The following PTPRN2 variants were observed in gnomAD, a reference collection of about 807,000 sequenced individuals.
PTPRN2 encodes the protein receptor-type tyrosine-protein phosphatase N2.
Under a neutral mutation model 118.8 loss-of-function variants are expected in PTPRN2, and 74 were observed. The observed-to-expected ratio is 0.62, with a 90% CI of 0.52 to 0.76. The LOEUF is 0.76. Ranked by LOEUF, PTPRN2 falls within the 30% of genes least tolerant of loss-of-function variation. The pLI, the probability that PTPRN2 is intolerant of heterozygous loss-of-function variation, is 0.00. For synonymous variants in PTPRN2, 641 were observed against 608.0 expected (o/e 1.05, Z -0.80); for missense variants, 1,481 against 1,394.4 (o/e 1.06, Z -0.99).
intron 11 of PTPRN2, among the ~76,000 whole-genome samples, chr7:158,026,729 C>A (rs142187372): frequency 6.6e-6 from 1 of 152,304 alleles, no homozygotes; most frequent in Non-Finnish European, 1.5e-5. Context: ...GCCCTCACCC[C>A]ACAAAGCACT....
At chr7:158,275,841 C>T (rs192937903) in intron 3 of PTPRN2, among the ~76,000 whole-genome samples, 25 of 152,296 alleles carry the variant, frequency 1.6e-4, no homozygotes, top group Admixed American at 1.4e-3. Context: ...GTGGCCTCCT[C>T]CCTCCATCAG....
chr7:157,549,146 C>T, intron 21 of PTPRN2, 127 bp from the exon 22 acceptor site: 1 of 905,492 alleles, frequency 1.1e-6, no homozygotes, highest in Non-Finnish European at 1.8e-6. Flanking sequence ...GCTCATCCCT[C>T]AGCCGGCTGG....
intron 11 of PTPRN2, among the ~76,000 whole-genome samples, chr7:158,070,357 G>T (rs528564331): frequency 9.4e-4 from 136 of 145,170 alleles, no homozygotes; most frequent in Admixed American, 1.8e-3. Flanking sequence ...TGGTGGAGGT[G>T]CCCCTGGTGG....
intron 3 of PTPRN2, among the ~76,000 whole-genome samples, chr7:158,268,884 C>T (rs1172504974): frequency 6.7e-6 from 1 of 148,606 alleles, no homozygotes; most frequent in Non-Finnish European, 1.5e-5. Flanking sequence ...AATATCCCAG[C>T]CGCACGCACA....
intron 12 of PTPRN2, among the ~76,000 whole-genome samples, chr7:157,748,700 C>G (rs1267329788): frequency 2.4e-5 from 3 of 123,392 alleles, no homozygotes; most frequent in East Asian, 2.6e-4. Flanking sequence ...GAGCTGTGGG[C>G]TGTTGAGGTG....
At chr7:158,146,025 A>C (rs1286156504) in intron 6 of PTPRN2, among the ~76,000 whole-genome samples, 1 of 151,870 alleles carries the variant, frequency 6.6e-6, no homozygotes, top group Non-Finnish European at 1.5e-5. Context: ...TCATGAAACA[A>C]GGAGAGGATG....
chr7:157,943,349 G>C (rs554895647), intron 11 of PTPRN2, among the ~76,000 whole-genome samples: 3 of 152,034 alleles, frequency 2.0e-5, no homozygotes, highest in Non-Finnish European at 4.4e-5. Context: ...TGCCCCAGAC[G>C]GTCCTTTCTG....
At chr7:157,644,550 C>T (rs1475929904) in intron 14 of PTPRN2, among the ~76,000 whole-genome samples, 1 of 152,202 alleles carries the variant, frequency 6.6e-6, no homozygotes, top group African/African-American at 2.4e-5. Context: ...GTAATCCCAG[C>T]ACTTTGGGAG....
intron 12 of PTPRN2, among the ~76,000 whole-genome samples, chr7:157,843,240 T>C (rs553300077): frequency 2.0e-5 from 3 of 152,240 alleles, no homozygotes; most frequent in Admixed American, 6.5e-5. Context: ...ATGGTATGTA[T>C]GAAATACACA....
chr7:158,112,127 C>G (rs888807012), intron 9 of PTPRN2, among the ~76,000 whole-genome samples: 2 of 152,206 alleles, frequency 1.3e-5, no homozygotes, highest in African/African-American at 4.8e-5. Context: ...GCCTCCAGGA[C>G]AGGGAGAAGA....
intron 11 of PTPRN2, among the ~76,000 whole-genome samples, chr7:157,970,857 T>C (rs1802282454): frequency 6.6e-6 from 1 of 152,138 alleles, no homozygotes; most frequent in African/African-American, 2.4e-5. Context: ...CCCCTGACAC[T>C]CCCTGGTCCC....
chr7:158,019,860 C>A (rs1201273466), intron 11 of PTPRN2, among the ~76,000 whole-genome samples: 2 of 152,230 alleles, frequency 1.3e-5, no homozygotes, highest in African/African-American at 4.8e-5. Flanking sequence ...CGCACAGACA[C>A]AGCACAGCGG....
Position 158,223,300 on chromosome 7 carries a change from G to A in PTPRN2, c.278-18027C>T, listed in dbSNP as rs77581954. Among the ~76,000 whole-genome samples the A allele has an allele frequency of 2.0e-3, 307 of 152,216 alleles. 2 individuals carry two copies. The highest frequency in any genetic ancestry group is 7.2e-3 in the African/African-American group (299 of 41,538). The stretch of plus-strand genomic sequence containing the variant: ...ATATCTTCCAGAAAATAGAAGGCGA[G>A]GAAACAGTTCCCAATTTATTTTATG... On this transcript the variant is annotated intron_variant, in intron 3 of 22. Coordinates refer to ENST00000389418, the MANE Select transcript of PTPRN2 (RefSeq NM_002847.5).
At chr7:157,796,905 C>T (rs1317105011) in intron 12 of PTPRN2, among the ~76,000 whole-genome samples, 17 of 152,214 alleles carry the variant, frequency 1.1e-4, no homozygotes, top group Non-Finnish European at 2.5e-4. Context: ...CCAGGCCCCA[C>T]ACCCAACACT....
At chr7:158,340,497 T>C (rs1375846698) in intron 2 of PTPRN2, among the ~76,000 whole-genome samples, 7 of 109,338 alleles carry the variant, frequency 6.4e-5, no homozygotes, top group African/African-American at 2.0e-4. Context: ...AGGTGACACC[T>C]GCAGACGTCA....
chr7:158,473,762 T>C (rs1459808909), intron 2 of PTPRN2, among the ~76,000 whole-genome samples: 1 of 151,798 alleles, frequency 6.6e-6, no homozygotes, highest in African/African-American at 2.4e-5. Flanking sequence ...TCAACCATGA[T>C]AGATTGGGGG....
intron 11 of PTPRN2, among the ~76,000 whole-genome samples, chr7:158,080,359 C>T (rs1812717342): frequency 8.0e-6 from 1 of 125,500 alleles, no homozygotes; most frequent in Non-Finnish European, 1.6e-5. Flanking sequence ...ATAGATTTAG[C>T]AATATAAAGG....
intron 3 of PTPRN2, among the ~76,000 whole-genome samples, chr7:158,303,062 A>G (rs1801008756): frequency 6.6e-6 from 1 of 152,186 alleles, no homozygotes; most frequent in African/African-American, 2.4e-5. Flanking sequence ...TGTGTTTATA[A>G]TGAAATAATT....
chr7:158,047,534 G>C (rs1211024692), intron 11 of PTPRN2, among the ~76,000 whole-genome samples: 1 of 150,118 alleles, frequency 6.7e-6, no homozygotes, highest in African/African-American at 2.5e-5. Flanking sequence ...AGTCACTGAG[G>C]GTGCGAGGGC....
Sources: allele counts gnomAD v4.1 joint callset (sites outside exome capture counted in the v4.1 genomes callset), GRCh38; gene constraint gnomAD v4.1.1; transcripts MANE v1.5; gene names NCBI Gene and HGNC (gene_info 2026-07-23, HGNC 2026-07-21).